Variants in ANO3 observed in about 807,000 individuals in gnomAD.
ANO3 encodes anoctamin-3.
Under a neutral mutation model 144.8 loss-of-function variants are expected in ANO3, and 99 were observed. The ratio of observed to expected loss-of-function variants is 0.68; its 90% CI spans 0.58 to 0.81. The LOEUF (loss-of-function observed/expected upper bound fraction) is 0.81, where lower values mean the gene tolerates loss of function less well. Among genes scored for constraint, ANO3 ranks in the 30% least tolerant of loss-of-function variants. ANO3 has a pLI of 0.00. For synonymous variants in ANO3, 414 were observed against 392.6 expected, an observed-to-expected ratio of 1.05 and a Z score of -0.64; for missense variants, 905 against 1,202.2, an observed-to-expected ratio of 0.75 and a Z score of 3.66.
chr11:26,435,989 G>A (rs1417742475), intron 1 of ANO3, among the ~76,000 whole-genome samples: 3 of 152,178 alleles, frequency 2.0e-5, no homozygotes, highest in Admixed American at 2.0e-4. Context: ...TAGAGTTCTT[G>A]CATTGGTTCT....
At chr11:26,438,436 A>G (rs549266186) in intron 1 of ANO3, among the ~76,000 whole-genome samples, 9 of 151,968 alleles carry the variant, frequency 5.9e-5, no homozygotes, top group African/African-American at 1.4e-4. Context: ...TATAGATTCA[A>G]TGGAATCCCT....
chr11:26,428,884 G>A (rs569584521), intron 1 of ANO3, among the ~76,000 whole-genome samples: 2 of 152,172 alleles, frequency 1.3e-5, no homozygotes, highest in South Asian at 2.1e-4. Context: ...AAAAATGAAC[G>A]AGAACTCTAA....
intron 1 of ANO3, among the ~76,000 whole-genome samples, chr11:26,236,536 C>T (rs933310494): frequency 1.3e-5 from 2 of 152,026 alleles, no homozygotes; most frequent in African/African-American, 4.8e-5. Context: ...ATCTAAAAAT[C>T]GGCCGGGGGC....
intron 12 of ANO3, 38 bp downstream of exon 12, chr11:26,547,588 G>T: frequency 1.9e-6 from 3 of 1,594,862 alleles, no homozygotes; most frequent in Non-Finnish European, 2.6e-6. Flanking sequence ...TATTTGGCTT[G>T]TCTTCTGAAT....
chr11:26,216,710 G>A (rs1172505445), intron 1 of ANO3, among the ~76,000 whole-genome samples: 2 of 152,000 alleles, frequency 1.3e-5, no homozygotes, highest in Admixed American at 6.6e-5. Flanking sequence ...TTTCAAAGTG[G>A]TTGTTCCAGT....
chr11:26,463,186 G>C lies in ANO3; in HGVS notation c.432+38G>C, dbSNP rs1859480261. The C allele has an allele frequency of 3.6e-6, 4 of 1,126,452 alleles. No individual in the cohort carries two copies. The African/African-American group carries it at 4.7e-5, about 13-fold the overall frequency. 69.8% of individuals were successfully genotyped at this position (1,126,452 alleles called of 1,614,324 possible). ...AAATTATCAATAAGTCATTTTTAGAGCATCATTTTTAAAACCTTACAATAT... is the reference window on the plus strand; with the variant it reads ...AAATTATCAATAAGTCATTTTTAGACCATCATTTTTAAAACCTTACAATAT... On this transcript the variant is annotated intron_variant, in intron 4 of 26. Coordinates refer to ENST00000256737, the MANE Select transcript of ANO3 (RefSeq NM_031418.4).
intron 1 of ANO3, among the ~76,000 whole-genome samples, chr11:26,424,301 T>C (rs1857855266): frequency 1.3e-5 from 2 of 151,552 alleles, no homozygotes; most frequent in Admixed American, 6.6e-5. Flanking sequence ...GTCAGTTTTT[T>C]TTTCATTTTT....
At chr11:26,535,571 C>CTTTTTTTTTTTTTTTTTT (rs72278856) in intron 9 of ANO3, among the ~76,000 whole-genome samples, 1 of 58,570 alleles carries the variant, frequency 1.7e-5, no homozygotes. Context: ...AAGACAGCCA[C>CTTTTTTTTTTTTTTTTTT]TTTTTTTTTT....
At chr11:26,514,655 G>A (rs2134149108) in intron 5 of ANO3, among the ~76,000 whole-genome samples, 1 of 152,182 alleles carries the variant, frequency 6.6e-6, no homozygotes, top group African/African-American at 2.4e-5. Context: ...CTTGGTGAGA[G>A]GCAAGTTGGT....
intron 3 of ANO3, among the ~76,000 whole-genome samples, chr11:26,462,651 A>T (rs1276708440): frequency 2.6e-5 from 4 of 151,880 alleles, no homozygotes; most frequent in Non-Finnish European, 5.9e-5. Context: ...TGCAGTTTTT[A>T]ATTAAGCAAA....
chr11:26,429,212 C>A (rs956455534), intron 1 of ANO3, among the ~76,000 whole-genome samples: 1 of 152,142 alleles, frequency 6.6e-6, no homozygotes, highest in African/African-American at 2.4e-5. Flanking sequence ...GGCTGCCATG[C>A]ACTGTGGGAA....
intron 4 of ANO3, among the ~76,000 whole-genome samples, chr11:26,499,464 G>T (rs1246430771): frequency 6.6e-6 from 1 of 150,644 alleles, no homozygotes; most frequent in Non-Finnish European, 1.5e-5. Context: ...CTTTCATTTT[G>T]TTTTCTTATT....
At chr11:26,504,796 G>T (rs1861351077) in intron 4 of ANO3, among the ~76,000 whole-genome samples, 1 of 20,736 alleles carries the variant, frequency 4.8e-5, no homozygotes, top group Non-Finnish European at 1.5e-4. Context: ...GGCCAAGGCG[G>T]GCAGATCACA....
At chr11:26,343,409 C>A (rs988464427) in intron 1 of ANO3, among the ~76,000 whole-genome samples, 21 of 152,126 alleles carry the variant, frequency 1.4e-4, no homozygotes, top group Non-Finnish European at 1.5e-5. Flanking sequence ...AATGTACGTG[C>A]AGAAATGGGA....
intron 1 of ANO3, among the ~76,000 whole-genome samples, chr11:26,250,179 C>T (rs1320097771): frequency 1.3e-5 from 2 of 152,184 alleles, no homozygotes; most frequent in African/African-American, 2.4e-5. Context: ...TTGCAAAAAG[C>T]CTGCTCATTA....
At chr11:26,399,137 T>C (rs1263267470) in intron 1 of ANO3, among the ~76,000 whole-genome samples, 2 of 152,110 alleles carry the variant, frequency 1.3e-5, no homozygotes, top group South Asian at 2.1e-4. Flanking sequence ...GATAAAATTC[T>C]GCCCAACCTC....
At chr11:26,630,367 C>G (rs952587001) in intron 18 of ANO3, among the ~76,000 whole-genome samples, 1 of 152,172 alleles carries the variant, frequency 6.6e-6, no homozygotes, top group Admixed American at 6.5e-5. Context: ...AGTTTGGCTT[C>G]GCATAGAAGA....
intron 3 of ANO3, among the ~76,000 whole-genome samples, chr11:26,455,736 A>G (rs947801275): frequency 4.6e-5 from 7 of 151,312 alleles, no homozygotes; most frequent in Non-Finnish European, 7.4e-5. Flanking sequence ...TAAAGTTCAT[A>G]TTGAACCAAA....
At chr11:26,516,321 C>T (rs1223674596) in intron 5 of ANO3, among the ~76,000 whole-genome samples, 1 of 151,266 alleles carries the variant, frequency 6.6e-6, no homozygotes, top group Non-Finnish European at 1.5e-5. Context: ...TACGAGATAA[C>T]AGACTTTTAC....
Sources: gnomAD v4.1 joint callset for allele counts (sites outside exome capture counted in the v4.1 genomes callset) on GRCh38, gnomAD v4.1.1 for gene constraint, MANE v1.5 for transcripts, NCBI Gene and HGNC (gene_info 2026-07-23, HGNC 2026-07-21) for gene names.